The following CYTH3 variants were observed in gnomAD, a reference collection of about 807,000 sequenced individuals.
The protein encoded by CYTH3 is cytohesin-3.
In CYTH3, 23 loss-of-function variants were observed where a neutral mutation model predicts 55.1. The ratio of observed to expected loss-of-function variants is 0.42; its 90% CI spans 0.30 to 0.59. The LOEUF is 0.59. Among genes scored for constraint, CYTH3 ranks in the 20% least tolerant of loss-of-function variants. CYTH3 has a pLI of 0.20. For synonymous variants in CYTH3, 249 were observed against 194.9 expected (o/e 1.28, Z -2.31); for missense variants, 413 against 524.8 (o/e 0.79, Z 2.08).
intron 1 of CYTH3, among the ~76,000 whole-genome samples, chr7:6,196,639 T>G (rs557571938): frequency 3.2e-4 from 49 of 152,166 alleles, no homozygotes; most frequent in African/African-American, 1.1e-3. Flanking sequence ...TTCTATGTTT[T>G]TAGTAGAGAC....
At chr7:6,200,951 TCTCA>T (rs1402608660) in intron 1 of CYTH3, among the ~76,000 whole-genome samples, 1 of 152,114 alleles carries the variant, frequency 6.6e-6, no homozygotes, top group Non-Finnish European at 1.5e-5. Flanking sequence ...AGAGACAGGG[TCTCA>T]CTATGTTGTT....
chr7:6,259,784 A>ATT lies in CYTH3; in HGVS notation c.34+12689_34+12690insAA, dbSNP rs1491413119. Among the ~76,000 whole-genome samples, 13 of 20,948 alleles carry ATT rather than the reference A, an allele frequency of 6.2e-4. 1 individual carries two copies. Among genetic ancestry groups the ATT allele is most frequent in the African/African-American group, 1.5e-3 (3 of 1,998 alleles). 13.7% of individuals were successfully genotyped at this position (20,948 alleles called of 152,430 possible). On this transcript the variant is annotated intron_variant, in intron 1 of 12. Coordinates refer to ENST00000350796, the MANE Select transcript of CYTH3 (RefSeq NM_004227.4). ...ATATATATATATATTATATATATATAATATATATATATATATATATATATA... is the reference window on the plus strand; with the variant it reads ...ATATATATATATATTATATATATATATTATATATATATATATATATATATATA...
chr7:6,260,518 G>A (rs1321545611), intron 1 of CYTH3, among the ~76,000 whole-genome samples: 4 of 151,952 alleles, frequency 2.6e-5, no homozygotes, highest in African/African-American at 9.7e-5. Flanking sequence ...CTTCAGCAAA[G>A]ACACACCTTC....
rs746254793 is a variant in CYTH3 at position 6,170,833 on chromosome 7, C to T, written c.708G>A (p.Leu236=). The change falls in exon 8 of 13, where the codon CTG becomes CTA. Residue 236 remains leucine, a synonymous_variant. Coordinates refer to ENST00000350796, the MANE Select transcript of CYTH3 (RefSeq NM_004227.4). The surrounding 1 kb of genome is among the most constrained non-coding windows in gnomAD (Gnocchi z 7.8). ...NEGGDLPEEL[L]RNLYESIKNE... ...GGCCGCGGGCCGGGGAGCTCACCCT[C>T]AGCAGCTCCTCAGGGAGGTCCCCGC... The T allele has an allele frequency of 5.0e-6, 8 of 1,611,048 alleles. No individual in the cohort carries two copies. In the South Asian group the frequency reaches 7.7e-5, roughly 16 times the overall value.
At chr7:6,223,213 G>A (rs1007116391) in intron 1 of CYTH3, among the ~76,000 whole-genome samples, 4 of 151,310 alleles carry the variant, frequency 2.6e-5, no homozygotes, top group African/African-American at 4.9e-5. Flanking sequence ...GGTGAGGAGC[G>A]CCTCGGCCCG....
At chr7:6,228,022 C>T (rs1252625873) in intron 1 of CYTH3, among the ~76,000 whole-genome samples, 1 of 152,196 alleles carries the variant, frequency 6.6e-6, no homozygotes, top group Non-Finnish European at 1.5e-5. Flanking sequence ...ACTCATTCTC[C>T]TATTTAAAAA....
chr7:6,241,493 G>A (rs150215921), intron 1 of CYTH3, among the ~76,000 whole-genome samples: 1 of 152,224 alleles, frequency 6.6e-6, no homozygotes, highest in South Asian at 2.1e-4. Flanking sequence ...TGAGTGTGGA[G>A]GGAAGTCTGA....
At chr7:6,239,495 A>C (rs1003527191) in intron 1 of CYTH3, among the ~76,000 whole-genome samples, 2 of 152,186 alleles carry the variant, frequency 1.3e-5, no homozygotes, top group Non-Finnish European at 2.9e-5. Flanking sequence ...CCAAGTGAAC[A>C]TTTTCAAAAC....
chr7:6,194,978 A>AAAAT (rs1263482439), intron 1 of CYTH3, among the ~76,000 whole-genome samples: 1 of 152,108 alleles, frequency 6.6e-6, no homozygotes, highest in Non-Finnish European at 1.5e-5. Context: ...TCCATCTCAA[A>AAAAT]AAATAAATAA....
intron 1 of CYTH3, among the ~76,000 whole-genome samples, chr7:6,265,934 T>C (rs1294851393): frequency 6.7e-6 from 1 of 148,358 alleles, no homozygotes; most frequent in Non-Finnish European, 1.5e-5. Context: ...TGCTTTATTT[T>C]TTAAAAAACG....
intron 1 of CYTH3, among the ~76,000 whole-genome samples, chr7:6,247,226 A>C (rs1421529885): frequency 6.6e-6 from 1 of 152,148 alleles, no homozygotes; most frequent in Non-Finnish European, 1.5e-5. Flanking sequence ...TTTTCCCTTA[A>C]AACTTAGCCT....
In CYTH3 at chr7:6,163,131, G is replaced by T. The variant is rs1434381051; in HGVS notation, c.*1813C>A. On this transcript the variant is annotated 3_prime_UTR_variant, in exon 13 of 13. Transcript: ENST00000350796. ...GGGAATGAAAGTCTGATGCAGGACA[G>T]GGGTTTCTGGCCTCGGACCCCTCTG... The T allele has an allele frequency of 1.3e-5, 2 of 152,646 alleles. No individual in the cohort carries two copies. The highest frequency in any genetic ancestry group is 4.8e-5 in the African/African-American group (2 of 41,466). The allele number at this position is 152,646 out of a possible 1,614,324, so 9.5% of individuals were successfully genotyped here. A position where few individuals can be genotyped will look rare whatever the true frequency, so the allele number is the denominator to read the frequency against.
chr7:6,255,262 T>G (rs1189093114), intron 1 of CYTH3, among the ~76,000 whole-genome samples: 1 of 152,214 alleles, frequency 6.6e-6, no homozygotes, highest in Non-Finnish European at 1.5e-5. Flanking sequence ...GGCTCAAATG[T>G]TTAAACAAAC....
At chr7:6,254,772 T>C (rs1259543517) in intron 1 of CYTH3, among the ~76,000 whole-genome samples, 1 of 152,172 alleles carries the variant, frequency 6.6e-6, no homozygotes, top group Non-Finnish European at 1.5e-5. Context: ...TGCTTTCAAA[T>C]GGGTTCAGTC....
intron 1 of CYTH3, among the ~76,000 whole-genome samples, chr7:6,228,829 C>G (rs1332102191): frequency 6.6e-6 from 1 of 152,202 alleles, no homozygotes; most frequent in African/African-American, 2.4e-5. Context: ...TTAATCTTAT[C>G]TTCTTTTCCT....
At chr7:6,166,430 C>T (rs1183802508) in intron 9 of CYTH3, among the ~76,000 whole-genome samples, 1 of 151,966 alleles carries the variant, frequency 6.6e-6, no homozygotes, top group African/African-American at 2.4e-5. Context: ...AAGAAATACA[C>T]GCTGGTGACA....
Position 6,164,610 on chromosome 7 carries a change from C to T in CYTH3, c.*334G>A. 2.8e-6 allele frequency: 1 copy of T among 361,912 alleles called. No individual in the cohort carries two copies. Among genetic ancestry groups the T allele is most frequent in the South Asian group, 3.2e-5 (1 of 31,344 alleles). 22.4% of individuals were successfully genotyped at this position (361,912 alleles called of 1,614,324 possible). ...GAGACAGCGGAAGCTGCTGTCCTGG[C>T]TTCTCCCCCTAGGGGCGCCGGGATG... On this transcript the variant is annotated 3_prime_UTR_variant, in exon 13 of 13. Transcript: ENST00000350796.
At chr7:6,227,271 T>G (rs949514155) in intron 1 of CYTH3, among the ~76,000 whole-genome samples, 2 of 151,888 alleles carry the variant, frequency 1.3e-5, no homozygotes, top group Non-Finnish European at 2.9e-5. Flanking sequence ...GAAAAACACA[T>G]GCAGAAGATG....
intron 4 of CYTH3, among the ~76,000 whole-genome samples, chr7:6,180,518 C>A (rs1783480079): frequency 6.6e-6 from 1 of 152,216 alleles, no homozygotes; most frequent in Non-Finnish European, 1.5e-5. Context: ...AGGAGCGAGG[C>A]TGGAAGGGAT....
Sources: allele counts gnomAD v4.1 joint callset (sites outside exome capture counted in the v4.1 genomes callset), GRCh38; gene constraint gnomAD v4.1.1; non-coding constraint Gnocchi (gnomAD v3.1); transcripts MANE v1.5; gene names NCBI Gene and HGNC (gene_info 2026-07-23, HGNC 2026-07-21).